The following KLF6 variants were observed in gnomAD, a reference collection of about 807,000 sequenced individuals.
KLF6 encodes the protein KLF transcription factor 6.
For missense variants in KLF6, 233 were observed against 359.8 expected (o/e 0.65, Z 2.85); for synonymous variants, 152 against 147.9 (o/e 1.03, Z -0.20).
chr10:3,783,666 A>G (rs1832583631), intron 1 of KLF6, among the ~76,000 whole-genome samples: 1 of 152,252 alleles, frequency 6.6e-6, no homozygotes, highest in Non-Finnish European at 1.5e-5. Context: ...GCAGCGATGT[A>G]TTTTATTGAT....
rs1409888220 is a variant in KLF6, at chr10:3,782,758, G to T, written c.103-544C>A. On this transcript the variant is annotated intron_variant, in intron 1 of 3. Coordinates refer to ENST00000497571, the MANE Select transcript of KLF6 (RefSeq NM_001300.6). The surrounding 1 kb of genome is among the most constrained non-coding windows in gnomAD (Gnocchi z 4.3). ...TGACAACACAGGGCCACACTCGGGGGAGAGGAGACAGCAGCTGTCTGTATT... is the reference window on the plus strand; with the variant it reads ...TGACAACACAGGGCCACACTCGGGGTAGAGGAGACAGCAGCTGTCTGTATT... Among the ~76,000 whole-genome samples, 1 of 152,242 alleles carries T rather than the reference G, an allele frequency of 6.6e-6. No homozygotes were observed. Among genetic ancestry groups the T allele is most frequent in the African/African-American group, 2.4e-5 (1 of 41,458 alleles).
chr10:3,784,898 G>T lies in KLF6; in HGVS notation c.102+15C>A. 1 of 1,590,562 alleles carries T rather than the reference G, an allele frequency of 6.3e-7. No individual in the cohort carries two copies. The highest frequency in any genetic ancestry group is 1.9e-4 in the Middle Eastern group (1 of 5,372). On this transcript the variant is annotated intron_variant, in intron 1 of 3. Transcript: ENST00000497571. ...GCCCCGGCGCCCGCAGGGAACCGCGGCCGGCTGCGTTTACCTGTTGCCAGT... is the reference window on the plus strand; with the variant it reads ...GCCCCGGCGCCCGCAGGGAACCGCGTCCGGCTGCGTTTACCTGTTGCCAGT...
chr10:3,779,615 G>A, intron 3 of KLF6, 25 bp from the exon 4 acceptor site: 2 of 1,612,116 alleles, frequency 1.2e-6, no homozygotes, highest in South Asian at 1.1e-5. Context: ...CAGAAGCACA[G>A]AAGAAGTTAG....
At position 3,778,046 on chromosome 10, in the gene KLF6, AG is replaced by A. The variant is rs1564293380; in HGVS notation, c.*1492del. The A allele has an allele frequency of 7.8e-6, 4 of 512,354 alleles. No homozygotes were observed. Among genetic ancestry groups the A allele is most frequent in the Non-Finnish European group, 3.8e-6 (1 of 262,560 alleles). The allele number at this position is 512,354 out of a possible 1,614,324, so 31.7% of individuals were successfully genotyped here. A position where few individuals can be genotyped will look rare whatever the true frequency, so the allele number is the denominator to read the frequency against. ...AAGTCTCAAGGTGGCAGAATTGGTC[AG>A]ATTTTTCCATTTTCCTGTTTTCCAT... On this transcript the variant is annotated 3_prime_UTR_variant, in exon 4 of 4. Transcript: ENST00000497571.
chr10:3,781,952 G>T lies in KLF6; in HGVS notation c.365C>A (p.Thr122Lys). The T allele has an allele frequency of 6.2e-7, 1 of 1,614,234 alleles. No individual in the cohort carries two copies. Among genetic ancestry groups the T allele is most frequent in the Non-Finnish European group, 8.5e-7 (1 of 1,180,042 alleles). ...AATGGGGTCGGAGGTAAACTTGGCC[G>T]TGGGAGAAAGTTCCTCGGAGCTGTC... The part of the protein sequence containing the change: ...SSDSSEELSP[T>K]AKFTSDPIGE... The change falls in exon 2 of 4, where the codon ACG (threonine) becomes AAG (lysine). Residue 122 changes from threonine (T) to lysine (K), a missense_variant. Transcript: ENST00000497571. This position sits in a 1 kb window ranked among gnomAD's most constrained non-coding sequence, Gnocchi z 5.8.
chr10:3,778,678 C>G lies in KLF6; in HGVS notation c.*861G>C, dbSNP rs769718257. ...ATGGCTAGGGGGTCACTGTATTAGACAGATTGGATCTTAGCTGCTCATTAA... is the reference window on the plus strand; with the variant it reads ...ATGGCTAGGGGGTCACTGTATTAGAGAGATTGGATCTTAGCTGCTCATTAA... On this transcript the variant is annotated 3_prime_UTR_variant, in exon 4 of 4. Transcript: ENST00000497571. The G allele has an allele frequency of 3.8e-6, 2 of 526,608 alleles. No homozygotes were observed. The highest frequency in any genetic ancestry group is 3.7e-6 in the Non-Finnish European group (1 of 271,742). 32.6% of individuals were successfully genotyped at this position (526,608 alleles called of 1,614,324 possible).
rs777889308 is a variant in KLF6, at chr10:3,781,883, G to T, written c.434C>A (p.Thr145Asn). 6.2e-7 allele frequency: 1 copy of T among 1,614,228 alleles called. No individual in the cohort carries two copies. Among genetic ancestry groups the T allele is most frequent in the South Asian group, 1.1e-5 (1 of 91,086 alleles). ...VSSGKLSSSV[T>N]STPPSSPELS... is the part of the protein sequence containing the mutation. ...TTCCGGAGAAGATGGAGGCGTGGAGGTGACAGAGGAGCTCAATTTTCCCGA... is the reference window on the plus strand; with the variant it reads ...TTCCGGAGAAGATGGAGGCGTGGAGTTGACAGAGGAGCTCAATTTTCCCGA... Residue 145 changes from threonine (T) to asparagine (N), a missense_variant, in exon 2 of 4, where the codon ACC becomes AAC. By Grantham distance (65) the Thr-to-Asn change is moderately conservative. Transcript: ENST00000497571. The surrounding 1 kb of genome is among the most constrained non-coding windows in gnomAD (Gnocchi z 5.8).
In KLF6 at chr10:3,780,607, C is replaced by A. The variant is rs755877691; in HGVS notation, c.677-378G>T. On this transcript the variant is annotated intron_variant, in intron 2 of 3. Coordinates refer to ENST00000497571, the MANE Select transcript of KLF6 (RefSeq NM_001300.6). This position sits in a 1 kb window ranked among gnomAD's most constrained non-coding sequence, Gnocchi z 4.6. ...ATGGCAACTGTTTCTCCCAAACACA[C>A]TTCTGTTCCATCCTCACTTCCCTAT... is the stretch of plus-strand genomic sequence containing the variant. 5.6e-6 allele frequency: 2 copies of A among 358,718 alleles called. No homozygotes were observed. Among genetic ancestry groups the A allele is most frequent in the Non-Finnish European group, 1.1e-5 (2 of 183,044 alleles). The allele number at this position is 358,718 out of a possible 1,614,324, so 22.2% of individuals were successfully genotyped here.
rs1252333604 is a variant in KLF6 at position 3,782,786 on chromosome 10, G to A, written c.103-572C>T. On this transcript the variant is annotated intron_variant, in intron 1 of 3. Coordinates refer to ENST00000497571, the MANE Select transcript of KLF6 (RefSeq NM_001300.6). This position sits in a 1 kb window ranked among gnomAD's most constrained non-coding sequence, Gnocchi z 4.3. ...AGGAGACAGCAGCTGTCTGTATTCA[G>A]GGGCATCGAATGGAGCTGCAGAAAA... Among the ~76,000 whole-genome samples the A allele has an allele frequency of 6.6e-6, 1 of 152,216 alleles. No homozygotes were observed. The highest frequency in any genetic ancestry group is 1.9e-4 in the East Asian group (1 of 5,200).
At chr10:3,784,761 G>T in intron 1 of KLF6, 152 bp downstream of exon 1, 2 of 685,482 alleles carry the variant, frequency 2.9e-6, no homozygotes, top group Non-Finnish European at 4.4e-6. Flanking sequence ...GCAGCCTGGA[G>T]GATCGATCGG....
At chr10:3,783,692 G>C (rs538496821) in intron 1 of KLF6, among the ~76,000 whole-genome samples, 1 of 152,196 alleles carries the variant, frequency 6.6e-6, no homozygotes. Flanking sequence ...AAAGAAAAAA[G>C]AAAAGCACAT....
rs771950159 is a variant in KLF6, at chr10:3,779,384, T to A, written c.*155A>T. The stretch of plus-strand genomic sequence containing the variant: ...GTGCTATGCCGCTTCTTACAGGACC[T>A]TTTTAGCCCTCAAAAGACCTTCCAA... On this transcript the variant is annotated 3_prime_UTR_variant, in exon 4 of 4. Transcript: ENST00000497571. The A allele has an allele frequency of 1.4e-6, 1 of 716,722 alleles. No homozygotes were observed. Among genetic ancestry groups the A allele is most frequent in the Non-Finnish European group, 2.5e-6 (1 of 395,620 alleles). 44.4% of individuals were successfully genotyped at this position (716,722 alleles called of 1,614,324 possible). A position where few individuals can be genotyped will look rare whatever the true frequency, so the allele number is the denominator to read the frequency against.
chr10:3,777,129 T>TA lies in KLF6; in HGVS notation c.*2409dup, dbSNP rs35557366. 0.32 allele frequency: 149,963 copies of TA among 473,518 alleles called. 16,455 individuals are homozygous for TA. The highest frequency in any genetic ancestry group is 0.45 in the East Asian group (9,467 of 21,118). 29.3% of individuals were successfully genotyped at this position (473,518 alleles called of 1,614,324 possible). On this transcript the variant is annotated 3_prime_UTR_variant, in exon 4 of 4. Coordinates refer to ENST00000497571, the MANE Select transcript of KLF6 (RefSeq NM_001300.6). ...AGGTAAATGTATTCATCAGCCCAGA[T>TA]AAAAAAAAAACCAGTTATGTGAGCG...
Position 3,777,449 on chromosome 10 carries a change from A to G in KLF6, c.*2090T>C, listed in dbSNP as rs1386011901. The G allele has an allele frequency of 2.0e-6, 1 of 510,646 alleles. No homozygotes were observed. The highest frequency in any genetic ancestry group is 1.5e-5 in the South Asian group (1 of 64,966). 31.6% of individuals were successfully genotyped at this position (510,646 alleles called of 1,614,324 possible). A position where few individuals can be genotyped will look rare whatever the true frequency, so the allele number is the denominator to read the frequency against. ...TAATAAGGCTGAAATTCAAAATCAA[A>G]ACCTTAGTGTGTCCGAGTCCAGCCT... On this transcript the variant is annotated 3_prime_UTR_variant, in exon 4 of 4. Transcript: ENST00000497571.
chr10:3,783,120 C>T (rs1832568202), intron 1 of KLF6: 1 of 152,184 alleles, frequency 6.6e-6, no homozygotes, highest in Non-Finnish European at 1.5e-5. Context: ...AGGAGACTTC[C>T]TTTTGAAATT....
Position 3,785,203 on chromosome 10 carries a change from T to G in KLF6, c.-189A>C. On this transcript the variant is annotated 5_prime_UTR_variant, in exon 1 of 4. Transcript: ENST00000497571. ...CACACAATATTTGCAAACACCGGAC[T>G]GACTGCAAACGTAACCCCTGCAAAA... is the stretch of plus-strand genomic sequence containing the variant. 1 of 1,235,024 alleles carries G rather than the reference T, an allele frequency of 8.1e-7. No homozygotes were observed. The highest frequency in any genetic ancestry group is 1.1e-6 in the Non-Finnish European group (1 of 877,778). 76.5% of individuals were successfully genotyped at this position (1,235,024 alleles called of 1,614,324 possible). A position where few individuals can be genotyped will look rare whatever the true frequency, so the allele number is the denominator to read the frequency against.
In KLF6 at chr10:3,781,785, C is replaced by T. The variant is rs779417302; in HGVS notation, c.532G>A (p.Gly178Arg). ...TTGTCACCTGGCTTCCCCGAAGTCC[C>T]GCTGCGCACCTTCCCTGGCGAGGGC... is the stretch of plus-strand genomic sequence containing the variant. ...ELPSPGKVRS[G>R]TSGKPGDKGN... The change falls in exon 2 of 4, where the codon GGG becomes AGG. Residue 178 changes from glycine to arginine, a missense_variant. Coordinates refer to ENST00000497571, the MANE Select transcript of KLF6 (RefSeq NM_001300.6). This position sits in a 1 kb window ranked among gnomAD's most constrained non-coding sequence, Gnocchi z 5.8. 5.6e-6 allele frequency: 9 copies of T among 1,614,118 alleles called. No homozygotes were observed. The highest frequency in any genetic ancestry group is 1.7e-5 in the Admixed American group (1 of 60,012).
intron 3 of KLF6, 152 bp from the exon 4 acceptor site, chr10:3,779,742 G>A (rs967213643): frequency 1.3e-6 from 1 of 742,838 alleles, no homozygotes; most frequent in Admixed American, 2.0e-5. Context: ...TGTCTTCAGG[G>A]ACAGGAGATA....
Position 3,785,139 on chromosome 10 carries a change from C to T in KLF6, c.-125G>A, listed in dbSNP as rs1301521716. The T allele has an allele frequency of 6.5e-7, 1 of 1,529,654 alleles. No homozygotes were observed. The highest frequency in any genetic ancestry group is 8.8e-7 in the Non-Finnish European group (1 of 1,135,946). The allele number at this position is 1,529,654 out of a possible 1,614,324, so 94.8% of individuals were successfully genotyped here. A position where few individuals can be genotyped will look rare whatever the true frequency, so the allele number is the denominator to read the frequency against. On this transcript the variant is annotated 5_prime_UTR_variant, in exon 1 of 4. Coordinates refer to ENST00000497571, the MANE Select transcript of KLF6 (RefSeq NM_001300.6). ...TGCAAACTCCAGGCTCGCAGAGACG[C>T]CCGGCCGGACCCTCCCGCAGCCCGC...
Sources: gnomAD v4.1 joint callset for allele counts (sites outside exome capture counted in the v4.1 genomes callset) on GRCh38, gnomAD v4.1.1 for gene constraint, Gnocchi (gnomAD v3.1) non-coding constraint, MANE v1.5 for transcripts, NCBI Gene and HGNC (gene_info 2026-07-23, HGNC 2026-07-21) for gene names.